FAM3C: variants seen among roughly 807,000 people sequenced by gnomAD.
FAM3C encodes the protein FAM3 metabolism regulating signaling molecule C, also known as protein FAM3C.
In FAM3C, 15 loss-of-function variants were observed where a neutral mutation model predicts 32.5. The observed-to-expected ratio is 0.46, with a 90% CI of 0.31 to 0.71. FAM3C has a LOEUF of 0.71. Among genes scored for constraint, FAM3C ranks in the 30% least tolerant of loss-of-function variants. The pLI, the probability that FAM3C is intolerant of heterozygous loss-of-function variation, is 0.05. For synonymous variants in FAM3C, 75 were observed against 86.1 expected, an observed-to-expected ratio of 0.87 and a Z score of 0.72; for missense variants, 175 against 274.4, an observed-to-expected ratio of 0.64 and a Z score of 2.56.
intron 3 of FAM3C, among the ~76,000 whole-genome samples, chr7:121,372,684 T>C (rs1000024291): frequency 6.6e-6 from 1 of 152,172 alleles, no homozygotes; most frequent in Non-Finnish European, 1.5e-5. Flanking sequence ...TTGAATGTAG[T>C]AGTTCTCAAC....
rs536321056 is a variant in FAM3C at position 121,351,090 on chromosome 7, G to A, written c.594+53C>T. On this transcript the variant is annotated intron_variant, in intron 9 of 9. Coordinates refer to ENST00000359943, the MANE Select transcript of FAM3C (RefSeq NM_014888.3). ...AATAGCTGGGATGGGAAAATGTACC[G>A]TAAGGTTTCACAGAATTTGTTTTTG... is the stretch of plus-strand genomic sequence containing the variant. 221 of 1,537,938 alleles carry A rather than the reference G, an allele frequency of 1.4e-4. 2 individuals carry two copies. The South Asian group carries it at 1.5e-3, about 10-fold the overall frequency.
At chr7:121,367,157 C>A (rs1794037935) in intron 5 of FAM3C, among the ~76,000 whole-genome samples, 2 of 152,104 alleles carry the variant, frequency 1.3e-5, no homozygotes, top group Admixed American at 1.3e-4. Context: ...GAAATATTTT[C>A]TTTTATCCTT....
chr7:121,383,185 C>T (rs1397195616), intron 1 of FAM3C, among the ~76,000 whole-genome samples, 175 bp from the exon 2 acceptor site: 1 of 151,634 alleles, frequency 6.6e-6, no homozygotes, highest in Non-Finnish European at 1.5e-5. Context: ...GACCATAAGA[C>T]CTCAAGGAGG....
At chr7:121,380,733 TTATATATA>T (rs66579763) in intron 2 of FAM3C, among the ~76,000 whole-genome samples, 1 of 133,982 alleles carries the variant, frequency 7.5e-6, no homozygotes, top group Non-Finnish European at 1.6e-5. Context: ...TACAAACATT[TTATATATA>T]TATATATATA....
intron 3 of FAM3C, among the ~76,000 whole-genome samples, chr7:121,375,472 A>T (rs962592628): frequency 6.6e-6 from 1 of 152,192 alleles, no homozygotes; most frequent in African/African-American, 2.4e-5. Context: ...TTTATCCTCT[A>T]GTAACTGGAA....
intron 2 of FAM3C, among the ~76,000 whole-genome samples, chr7:121,379,688 G>A (rs938918236): frequency 6.6e-6 from 1 of 152,130 alleles, no homozygotes; most frequent in Non-Finnish European, 1.5e-5. Flanking sequence ...TCAATGAACT[G>A]ATGATGCTCA....
In FAM3C at chr7:121,383,890, G is replaced by A. The variant is rs1398106444; in HGVS notation, c.-41-880C>T. On this transcript the variant is annotated intron_variant, in intron 1 of 9. Coordinates refer to ENST00000359943, the MANE Select transcript of FAM3C (RefSeq NM_014888.3). ...TGGAATTCAAAAGGAAATTTTGATG[G>A]ATGAATCCCATTTGCCAGCAGTACA... Among the ~76,000 whole-genome samples the A allele has an allele frequency of 2.0e-5, 3 of 152,126 alleles. No individual in the cohort carries two copies. In the South Asian group the frequency reaches 6.2e-4, roughly 32 times the overall value.
intron 3 of FAM3C, among the ~76,000 whole-genome samples, chr7:121,375,329 G>C (rs897201570): frequency 1.3e-5 from 2 of 152,180 alleles, no homozygotes; most frequent in Non-Finnish European, 2.9e-5. Context: ...TGAAAGGACA[G>C]GAGGGGATTT....
At chr7:121,383,134 A>C in intron 1 of FAM3C, 124 bp from the exon 2 acceptor site, 1 of 518,094 alleles carries the variant, frequency 1.9e-6, no homozygotes, top group Non-Finnish European at 3.3e-6. Flanking sequence ...TTATGCCAAC[A>C]TTGGCATTAA....
chr7:121,360,397 T>C (rs560366932), intron 7 of FAM3C, among the ~76,000 whole-genome samples: 4 of 152,302 alleles, frequency 2.6e-5, no homozygotes, highest in African/African-American at 9.6e-5. Flanking sequence ...AAAAAAATCA[T>C]AGCAAAGTAA....
At chr7:121,381,541 T>C (rs1290145695) in intron 2 of FAM3C, among the ~76,000 whole-genome samples, 1 of 152,124 alleles carries the variant, frequency 6.6e-6, no homozygotes, top group African/African-American at 2.4e-5. Flanking sequence ...TTTAAAATTA[T>C]GTGAGAAAGA....
intron 1 of FAM3C, 63 bp from the exon 2 acceptor site, chr7:121,383,073 G>C (rs1375141453): frequency 2.3e-6 from 2 of 879,986 alleles, no homozygotes; most frequent in African/African-American, 3.4e-5. Context: ...TCCTTAGATT[G>C]AGTTTGAAAT....
At chr7:121,362,686 T>C (rs1472719202) in intron 7 of FAM3C, 4 of 511,144 alleles carry the variant, frequency 7.8e-6, no homozygotes, top group Admixed American at 4.3e-5. Flanking sequence ...TCTTCAATTA[T>C]ACACCACAAA....
intron 5 of FAM3C, among the ~76,000 whole-genome samples, chr7:121,365,495 CT>C (rs1404337822): frequency 1.3e-5 from 2 of 152,010 alleles, no homozygotes. Context: ...AGTCTGCAAA[CT>C]TTTTGTGTAA....
At chr7:121,361,124 T>C (rs1444947534) in intron 7 of FAM3C, among the ~76,000 whole-genome samples, 1 of 152,156 alleles carries the variant, frequency 6.6e-6, no homozygotes, top group East Asian at 1.9e-4. Context: ...CCACAAGGAC[T>C]TCAAAATAAA....
At chr7:121,392,888 C>T (rs996954545) in intron 1 of FAM3C, among the ~76,000 whole-genome samples, 3 of 152,136 alleles carry the variant, frequency 2.0e-5, no homozygotes, top group African/African-American at 7.2e-5. Flanking sequence ...GAATGAAGTA[C>T]TGATACCTGC....
chr7:121,390,421 T>C (rs1025236957), intron 1 of FAM3C, among the ~76,000 whole-genome samples: 10 of 152,346 alleles, frequency 6.6e-5, no homozygotes, highest in African/African-American at 2.2e-4. Context: ...ACTTAGTTTA[T>C]AGTTTAAAAC....
chr7:121,383,067 T>C (rs990950992), intron 1 of FAM3C, 57 bp from the exon 2 acceptor site: 5 of 918,460 alleles, frequency 5.4e-6, no homozygotes, highest in Admixed American at 2.2e-5. Context: ...CATTCCTCCT[T>C]AGATTGAGTT....
intron 5 of FAM3C, among the ~76,000 whole-genome samples, chr7:121,366,908 G>C (rs915522131): frequency 6.6e-6 from 1 of 152,162 alleles, no homozygotes; most frequent in Non-Finnish European, 1.5e-5. Flanking sequence ...TTAAGTGCCA[G>C]AGTGACTTTT....
Sources: gnomAD v4.1 joint callset for allele counts (sites outside exome capture counted in the v4.1 genomes callset) on GRCh38, gnomAD v4.1.1 for gene constraint, MANE v1.5 for transcripts, NCBI Gene and HGNC (gene_info 2026-07-23, HGNC 2026-07-21) for gene names.